HNRNPM: variants seen among roughly 807,000 people sequenced by gnomAD.
HNRNPM encodes CEA receptor.
HNRNPM carries 11 observed loss-of-function variants against 73.1 expected under a neutral mutation model. The ratio of observed to expected loss-of-function variants is 0.15; its 90% CI spans 0.09 to 0.25. HNRNPM has a LOEUF of 0.25. Ranked by LOEUF, HNRNPM falls within the 10% of genes least tolerant of loss-of-function variation. The pLI is 1.00. For missense variants in HNRNPM, 789 were observed against 1,067.9 expected, an observed-to-expected ratio of 0.74 and a Z score of 3.64; for synonymous variants, 407 against 355.2, an observed-to-expected ratio of 1.15 and a Z score of -1.64.
At chr19:8,450,390 T>G (rs912246748) in intron 1 of HNRNPM, among the ~76,000 whole-genome samples, 1 of 152,192 alleles carries the variant, frequency 6.6e-6, no homozygotes, top group East Asian at 1.9e-4. Context: ...TTTTGCAGAT[T>G]AGGCACTCAA....
At chr19:8,484,684 T>A (rs145672342) in intron 13 of HNRNPM, among the ~76,000 whole-genome samples, 82 of 152,334 alleles carry the variant, frequency 5.4e-4, no homozygotes, top group Admixed American at 2.0e-3. Context: ...CAGTTTCCTC[T>A]TGAATTGGTA....
chr19:8,478,197 T>TA (rs1326706665), intron 12 of HNRNPM, among the ~76,000 whole-genome samples: 1 of 152,178 alleles, frequency 6.6e-6, no homozygotes, highest in East Asian at 1.9e-4. Flanking sequence ...TTGATGGACT[T>TA]ATGTTAGGTA....
intron 10 of HNRNPM, 37 bp downstream of exon 10, chr19:8,471,464 G>C: frequency 2.3e-6 from 3 of 1,322,326 alleles, no homozygotes; most frequent in Non-Finnish European, 2.1e-6. Flanking sequence ...GTGGTTTGGG[G>C]AAGTGAAAAT....
chr19:8,482,991 C>G, intron 12 of HNRNPM, 167 bp from the exon 13 acceptor site: 1 of 596,930 alleles, frequency 1.7e-6, no homozygotes, highest in South Asian at 2.1e-5. Flanking sequence ...CAAGGACTCT[C>G]CTAGTTCTCT....
chr19:8,445,107 A>G lies in HNRNPM; in HGVS notation c.109A>G (p.Lys37Glu). ...GAGCGGCAACGGGGCTCCGGGCCCT[A>G]AGGGGTGAGTATCCCACGGTCCTTT... ...VPSGNGAPGP[K>E]GEGERPAQNE... The change falls in exon 1 of 16, where the codon AAG becomes GAG. Residue 37 changes from lysine (K) to glutamate (E), a missense_variant. Lys to Glu is a moderately conservative substitution (Grantham distance 56). Coordinates refer to ENST00000325495, the MANE Select transcript of HNRNPM (RefSeq NM_005968.5). 7.1e-7 allele frequency: 1 copy of G among 1,410,028 alleles called. No individual in the cohort carries two copies. Among genetic ancestry groups the G allele is most frequent in the Non-Finnish European group, 9.3e-7 (1 of 1,080,692 alleles). The allele number at this position is 1,410,028 out of a possible 1,614,324, so 87.3% of individuals were successfully genotyped here.
rs370422178 is a variant in HNRNPM at position 8,485,620 on chromosome 19, G to A, written c.1192G>A (p.Val398Ile). 5.8e-5 allele frequency: 93 copies of A among 1,600,972 alleles called. No homozygotes were observed. Among genetic ancestry groups the A allele is most frequent in the Admixed American group, 8.4e-5 (5 of 59,820 alleles). The change falls in exon 14 of 16, where the codon GTC becomes ATC. Residue 398 changes from valine (V) to isoleucine (I), a missense_variant. Transcript: ENST00000325495. ...TGTTTCAGGTGGAGGTGGAGGAAGC[G>A]TCCCTGGGATCGAGAGGATGGGTCC... ...KQGGGGGGGS[V>I]PGIERMGPGI... is the part of the protein sequence containing the mutation.
chr19:8,485,974 G>C lies in HNRNPM; in HGVS notation c.1546G>C (p.Glu516Gln), dbSNP rs772815633. 1.2e-6 allele frequency: 2 copies of C among 1,603,024 alleles called. No homozygotes were observed. Among genetic ancestry groups the C allele is most frequent in the South Asian group, 1.1e-5 (1 of 91,038 alleles). Reference protein sequence around the residue: ...QTIERMGSGVERMGPAIERMG... With the variant: ...QTIERMGSGVQRMGPAIERMG... ...CATTGAGCGCATGGGCTCTGGCGTG[G>C]AGCGCATGGGCCCTGCCATCGAGCG... The change falls in exon 14 of 16, where the codon GAG (glutamate) becomes CAG (glutamine). Residue 516 changes from glutamate (E) to glutamine (Q), a missense_variant. Glu to Gln is a conservative substitution (Grantham distance 29). Coordinates refer to ENST00000325495, the MANE Select transcript of HNRNPM (RefSeq NM_005968.5).
At position 8,466,526 on chromosome 19, in the gene HNRNPM, T is replaced by A. The variant is rs991162498; in HGVS notation, c.784+138T>A. 7.5e-6 allele frequency: 7 copies of A among 927,332 alleles called. No individual in the cohort carries two copies. The East Asian group carries it at 1.5e-4, about 20-fold the overall frequency. The allele number at this position is 927,332 out of a possible 1,614,324, so 57.4% of individuals were successfully genotyped here. A position where few individuals can be genotyped will look rare whatever the true frequency, so the allele number is the denominator to read the frequency against. ...CTAGGGGGAGTGCATTACTGTGGAA[T>A]TAAGAGGTTCTCTGGGCCGGACCGG... is the stretch of plus-strand genomic sequence containing the variant. On this transcript the variant is annotated intron_variant, in intron 7 of 15. Transcript: ENST00000325495.
intron 1 of HNRNPM, among the ~76,000 whole-genome samples, chr19:8,453,685 G>A (rs1968790687): frequency 1.3e-5 from 2 of 152,192 alleles, no homozygotes; most frequent in Admixed American, 1.3e-4. Flanking sequence ...CAGGGCTGGG[G>A]AAGCAGAAGG....
intron 1 of HNRNPM, among the ~76,000 whole-genome samples, chr19:8,450,228 CAGG>C (rs755104814): frequency 3.3e-5 from 5 of 152,144 alleles, no homozygotes; most frequent in Non-Finnish European, 5.9e-5. Flanking sequence ...CCTTGTCCCT[CAGG>C]AGATGTGATC....
intron 10 of HNRNPM, among the ~76,000 whole-genome samples, chr19:8,473,120 G>T (rs1307914198): frequency 6.6e-6 from 1 of 152,196 alleles, no homozygotes. Flanking sequence ...GTGTGGTGGC[G>T]TAGTCCCAGC....
intron 12 of HNRNPM, among the ~76,000 whole-genome samples, chr19:8,478,838 A>C (rs748494227): frequency 6.6e-6 from 1 of 152,096 alleles, no homozygotes; most frequent in Non-Finnish European, 1.5e-5. Flanking sequence ...GCGTGTTTCA[A>C]AGCCCTGCTA....
In HNRNPM at chr19:8,479,128, C is replaced by T. The variant is rs1474560785; in HGVS notation, c.1121-4030C>T. 2.3e-5 allele frequency among the ~76,000 whole-genome samples: 3 copies of T among 131,546 alleles called. No homozygotes were observed. In the Admixed American group the frequency reaches 2.7e-4, roughly 12 times the overall value. 86.3% of individuals were successfully genotyped at this position (131,546 alleles called of 152,430 possible). Reference sequence around the variant, plus strand: ...CAAGACAGAGTCTCGCTTTGTTGCCCAGGCTGGAGTGCAATGGTGCGATCT... The same window carrying T: ...CAAGACAGAGTCTCGCTTTGTTGCCTAGGCTGGAGTGCAATGGTGCGATCT... On this transcript the variant is annotated intron_variant, in intron 12 of 15. Coordinates refer to ENST00000325495, the MANE Select transcript of HNRNPM (RefSeq NM_005968.5).
At chr19:8,452,408 A>C (rs1305692527) in intron 1 of HNRNPM, among the ~76,000 whole-genome samples, 2 of 148,786 alleles carry the variant, frequency 1.3e-5, no homozygotes, top group Non-Finnish European at 3.0e-5. Context: ...ATGTTTTATG[A>C]TTTTTTCTAA....
chr19:8,485,551 C>T (rs1971215110), intron 13 of HNRNPM, 52 bp from the exon 14 acceptor site: 2 of 1,538,132 alleles, frequency 1.3e-6, no homozygotes, highest in Middle Eastern at 2.0e-4. Flanking sequence ...GTGTTGTGCA[C>T]ACGCACACTC....
At chr19:8,461,692 A>G (rs1400410405) in intron 2 of HNRNPM, among the ~76,000 whole-genome samples, 1 of 152,186 alleles carries the variant, frequency 6.6e-6, no homozygotes, top group Non-Finnish European at 1.5e-5. Flanking sequence ...AACTGTTTAG[A>G]TACAAAATCT....
rs1461570284 is a variant in HNRNPM, at chr19:8,489,026, G to A, written c.*172G>A. Reference sequence around the variant, plus strand: ...GGGGTTCCATTTGACTGTTTGCATTGAGATTGCAATGTGCGCAATTTTTTT... The same window carrying A: ...GGGGTTCCATTTGACTGTTTGCATTAAGATTGCAATGTGCGCAATTTTTTT... On this transcript the variant is annotated 3_prime_UTR_variant, in exon 16 of 16. Transcript: ENST00000325495. 1.6e-6 allele frequency: 1 copy of A among 609,458 alleles called. No individual in the cohort carries two copies. The highest frequency in any genetic ancestry group is 2.8e-6 in the Non-Finnish European group (1 of 360,652). The allele number at this position is 609,458 out of a possible 1,614,324, so 37.8% of individuals were successfully genotyped here.
intron 12 of HNRNPM, among the ~76,000 whole-genome samples, chr19:8,478,908 G>A (rs772526371): frequency 6.6e-6 from 1 of 152,118 alleles, no homozygotes; most frequent in African/African-American, 2.4e-5. Context: ...TTAGCAGGAT[G>A]GAGTGAGTTG....
chr19:8,486,753 T>C (rs1971339644), intron 14 of HNRNPM, among the ~76,000 whole-genome samples: 1 of 152,212 alleles, frequency 6.6e-6, no homozygotes, highest in Non-Finnish European at 1.5e-5. Context: ...TTAGCCACTA[T>C]TTAGTGACTG....
Sources: gnomAD v4.1 joint callset for allele counts (sites outside exome capture counted in the v4.1 genomes callset) on GRCh38, gnomAD v4.1.1 for gene constraint, MANE v1.5 for transcripts, NCBI Gene and HGNC (gene_info 2026-07-23, HGNC 2026-07-21) for gene names.